The following ADGRL2 variants were observed in gnomAD, a reference collection of about 807,000 sequenced individuals.
The protein encoded by ADGRL2 is calcium-independent alpha-latrotoxin receptor 2.
Under a neutral mutation model 157.4 loss-of-function variants are expected in ADGRL2, and 44 were observed. The observed-to-expected ratio is 0.28, with a 90% confidence interval of 0.22 to 0.36. ADGRL2 has a LOEUF of 0.36. Among genes scored for constraint, ADGRL2 ranks in the 10% least tolerant of loss-of-function variants. ADGRL2 has a pLI of 1.00. For synonymous variants in ADGRL2, 585 were observed against 624.7 expected, an observed-to-expected ratio of 0.94 and a Z score of 0.95; for missense variants, 1,510 against 1,768.9, an observed-to-expected ratio of 0.85 and a Z score of 2.63.
chr1:81,715,633 G>C (rs984326328), intron 1 of ADGRL2, among the ~76,000 whole-genome samples: 1 of 152,082 alleles, frequency 6.6e-6, no homozygotes, highest in Non-Finnish European at 1.5e-5. Flanking sequence ...GCGACATGAC[G>C]TGCCTGGTAC....
intron 16 of ADGRL2, among the ~76,000 whole-genome samples, chr1:81,971,176 T>C (rs1382820664): frequency 6.6e-6 from 1 of 152,172 alleles, no homozygotes; most frequent in African/African-American, 2.4e-5. Flanking sequence ...TAAAGATTCT[T>C]TGGACTAAAG....
At chr1:81,526,516 A>G (rs1292583548) in intron 2 of ADGRL2, among the ~76,000 whole-genome samples, 2 of 152,394 alleles carry the variant, frequency 1.3e-5, no homozygotes, top group East Asian at 3.9e-4. Flanking sequence ...AAGAAAAAGC[A>G]GAATGTCATT....
At chr1:81,778,293 GCCTGGGC>G (rs767919829) in intron 2 of ADGRL2, among the ~76,000 whole-genome samples, 17 of 148,756 alleles carry the variant, frequency 1.1e-4, no homozygotes, top group Non-Finnish European at 2.1e-4. Context: ...CTGCACTCCA[GCCTGGGC>G]GACAGAGCGA....
chr1:81,469,336 T>A (rs2078123119), intron 2 of ADGRL2, among the ~76,000 whole-genome samples: 1 of 152,156 alleles, frequency 6.6e-6, no homozygotes, highest in Non-Finnish European at 1.5e-5. Context: ...CATCTTGCGG[T>A]TGATTTCAGG....
chr1:81,502,789 C>T, intron 2 of ADGRL2: 1 of 1,613,042 alleles, frequency 6.2e-7, no homozygotes, highest in Non-Finnish European at 8.5e-7. Flanking sequence ...CAGCTCCTCC[C>T]TCTTTGGCTA....
intron 1 of ADGRL2, among the ~76,000 whole-genome samples, chr1:81,827,060 G>T (rs2091553784): frequency 6.6e-6 from 1 of 152,114 alleles, no homozygotes; most frequent in South Asian, 2.1e-4. Context: ...TAACAATCAG[G>T]ATATTTTCAT....
chr1:81,623,136 T>C (rs188543828), intron 3 of ADGRL2, among the ~76,000 whole-genome samples: 90 of 152,310 alleles, frequency 5.9e-4, no homozygotes, highest in African/African-American at 1.9e-3. Context: ...ACTGATGCTC[T>C]TGGTACTTGG....
intron 1 of ADGRL2, among the ~76,000 whole-genome samples, chr1:81,376,298 G>C (rs955499916): frequency 1.3e-5 from 2 of 152,150 alleles, no homozygotes; most frequent in Non-Finnish European, 2.9e-5. Context: ...CTTTTCCAGA[G>C]CTGAGAAGGG....
chr1:81,457,898 C>T (rs908673662), intron 2 of ADGRL2, among the ~76,000 whole-genome samples: 1 of 152,106 alleles, frequency 6.6e-6, no homozygotes, highest in African/African-American at 2.4e-5. Context: ...CTTCAATTTG[C>T]CACTATGGAA....
At chr1:81,822,892 A>G (rs1289240753) in intron 1 of ADGRL2, among the ~76,000 whole-genome samples, 1 of 152,088 alleles carries the variant, frequency 6.6e-6, no homozygotes, top group African/African-American at 2.4e-5. Flanking sequence ...CTTCATTTTT[A>G]TAATGAGGAG....
chr1:81,328,900 C>T (rs1174048016), intron 1 of ADGRL2, among the ~76,000 whole-genome samples: 1 of 151,070 alleles, frequency 6.6e-6, no homozygotes, highest in African/African-American at 2.4e-5. Flanking sequence ...TTTAACTGGA[C>T]TGTTTAAGAG....
In ADGRL2 at chr1:81,943,470, C is replaced by T. The variant is rs1648754063; in HGVS notation, c.911C>T (p.Ala304Val). Reference sequence around the variant, plus strand: ...AATCCATACACTCTTCGATTTGAAGCAACGTGGGAGACTGTATACGACAAA... The same window carrying T: ...AATCCATACACTCTTCGATTTGAAGTAACGTGGGAGACTGTATACGACAAA... ...QLNPYTLRFE[A>V]TWETVYDKRA... The change falls in exon 6 of 24, where the codon GCA becomes GTA. Residue 304 changes from alanine (A) to valine (V), a missense_variant. Physicochemically the swap from Ala to Val is moderately conservative, Grantham distance 64 (BLOSUM62 0). Coordinates refer to ENST00000686636, the MANE Select transcript of ADGRL2 (RefSeq NM_001366006.2). This position sits in a 1 kb window ranked among gnomAD's most constrained non-coding sequence, Gnocchi z 5.6. The T allele has an allele frequency of 6.2e-7, 1 of 1,613,724 alleles. No homozygotes were observed. Among genetic ancestry groups the T allele is most frequent in the Non-Finnish European group, 8.5e-7 (1 of 1,179,776 alleles).
chr1:81,380,145 AC>A (rs138122272), intron 1 of ADGRL2, among the ~76,000 whole-genome samples: 4,535 of 152,140 alleles, frequency 0.03, 102 homozygotes, highest in Middle Eastern at 0.1. Context: ...ACAAACTCTA[AC>A]TTTTTTTCTC....
At chr1:81,747,013 T>C (rs913181066) in intron 1 of ADGRL2, among the ~76,000 whole-genome samples, 1 of 143,358 alleles carries the variant, frequency 7.0e-6, no homozygotes, top group Non-Finnish European at 1.5e-5. Context: ...TATACACACG[T>C]ATGTATACAC....
At chr1:81,978,167 A>G (rs1299892842) in intron 17 of ADGRL2, among the ~76,000 whole-genome samples, 2 of 151,658 alleles carry the variant, frequency 1.3e-5, no homozygotes, top group East Asian at 3.9e-4. Flanking sequence ...TCAGATATGT[A>G]CTATACTACC....
rs114140683 is a variant in ADGRL2 at position 81,549,891 on chromosome 1, G to T, written c.-247-30985G>T. Among the ~76,000 whole-genome samples the T allele has an allele frequency of 3.3e-3, 497 of 152,178 alleles. 4 individuals are homozygous for T. Among genetic ancestry groups the T allele is most frequent in the African/African-American group, 0.012 (479 of 41,524 alleles). ...TAATCCCTGCCTTCTATCCCAAGTA[G>T]ACAGTAATCACAGTAATCAGTGATT... On this transcript the variant is annotated intron_variant, in intron 2 of 24. Transcript: ENST00000370721.
chr1:81,909,111 G>A (rs1234868794), intron 3 of ADGRL2, among the ~76,000 whole-genome samples: 1 of 151,932 alleles, frequency 6.6e-6, no homozygotes, highest in African/African-American at 2.4e-5. Flanking sequence ...CCCAACCTCA[G>A]GAAATCCACC....
intron 3 of ADGRL2, among the ~76,000 whole-genome samples, chr1:81,612,667 G>A (rs2081566500): frequency 6.6e-6 from 1 of 151,800 alleles, no homozygotes; most frequent in South Asian, 2.1e-4. Flanking sequence ...TCTGTCAGAT[G>A]AGAATGCAAA....
chr1:81,470,482 C>T (rs1483623840), intron 2 of ADGRL2, among the ~76,000 whole-genome samples: 2 of 152,156 alleles, frequency 1.3e-5, no homozygotes, highest in Non-Finnish European at 2.9e-5. Context: ...TCCACATTTT[C>T]ATTTGCTAGG....
Sources: allele counts gnomAD v4.1 joint callset (sites outside exome capture counted in the v4.1 genomes callset), GRCh38; gene constraint gnomAD v4.1.1; non-coding constraint Gnocchi (gnomAD v3.1); transcripts MANE v1.5; gene names NCBI Gene and HGNC (gene_info 2026-07-23, HGNC 2026-07-21).